Variants in CELSR2 observed in about 807,000 individuals in gnomAD.
The protein encoded by CELSR2 is cadherin EGF LAG seven-pass G-type receptor 2, also known as EGF-like protein 2.
A neutral mutation model predicts 251.6 loss-of-function variants in CELSR2; 81 were observed. The observed-to-expected ratio is 0.32, with a 90% CI of 0.27 to 0.39. The LOEUF (loss-of-function observed/expected upper bound fraction) is 0.39, where lower values mean the gene tolerates loss of function less well. Among genes scored for constraint, CELSR2 ranks in the 10% least tolerant of loss-of-function variants. The pLI, the probability that CELSR2 is intolerant of heterozygous loss-of-function variation, is 1.00. For missense variants in CELSR2, 3,365 were observed against 3,947.7 expected (o/e 0.85, Z 3.96); for synonymous variants, 1,721 against 1,670.5 (o/e 1.03, Z -0.74).
rs74113801 is a variant in CELSR2 at position 109,250,506 on chromosome 1, C to T, written c.427C>T (p.Leu143Phe). 8.2e-4 allele frequency: 1,330 copies of T among 1,613,822 alleles called. 4 individuals carry two copies. In the African/African-American group the frequency reaches 1.0e-2, roughly 12 times the overall value. The change falls in exon 1 of 34, where the codon CTC (leucine) becomes TTC (phenylalanine). Residue 143 changes from leucine to phenylalanine, a missense_variant. This residue lies in a region of CELSR2 where 704 missense variants were observed against 784.1 expected (regional missense o/e 0.90). Coordinates refer to ENST00000271332, the MANE Select transcript of CELSR2 (RefSeq NM_001408.3). This position sits in a 1 kb window ranked among gnomAD's most constrained non-coding sequence, Gnocchi z 4.4. ...GCACCCGTGCTTAAAGGCTCCACGGCTCAGATGCCAGTCCTGCAAGCTGGC... is the reference window on the plus strand; with the variant it reads ...GCACCCGTGCTTAAAGGCTCCACGGTTCAGATGCCAGTCCTGCAAGCTGGC... Reference protein sequence around the residue: ...EEHPCLKAPRLRCQSCKLAQA... With the variant: ...EEHPCLKAPRFRCQSCKLAQA...
chr1:109,266,066 G>A, intron 14 of CELSR2, 39 bp from the exon 15 acceptor site: 1 of 1,609,144 alleles, frequency 6.2e-7, no homozygotes, highest in Non-Finnish European at 8.5e-7. Flanking sequence ...ACAGCAGAGG[G>A]AGAGCTGCTC....
Position 109,251,051 on chromosome 1 carries a change from T to G in CELSR2, c.972T>G (p.Ile324Met), listed in dbSNP as rs746250775. Reference protein sequence around the residue: ...TDGDAPPNANILYRLLEGSGG... With the variant: ...TDGDAPPNANMLYRLLEGSGG... ...GTGATGCCCCTCCCAATGCCAATAT[T>G]CTGTACCGCCTGCTGGAGGGGTCTG... Residue 324 changes from isoleucine (I) to methionine (M), a missense_variant, in exon 1 of 34, where the codon ATT becomes ATG. Ile to Met is a conservative substitution (Grantham distance 10, BLOSUM62 1). Coordinates refer to ENST00000271332, the MANE Select transcript of CELSR2 (RefSeq NM_001408.3). The surrounding 1 kb of genome is among the most constrained non-coding windows in gnomAD (Gnocchi z 4.9). 6 of 1,613,370 alleles carry G rather than the reference T, an allele frequency of 3.7e-6. No homozygotes were observed. The highest frequency in any genetic ancestry group is 5.1e-6 in the Non-Finnish European group (6 of 1,179,958).
chr1:109,273,957 C>A, intron 33 of CELSR2, 65 bp from the exon 34 acceptor site: 3 of 1,585,804 alleles, frequency 1.9e-6, no homozygotes, highest in Non-Finnish European at 2.6e-6. Flanking sequence ...AGCTTTCACT[C>A]TCTCCTCTGT....
chr1:109,266,623 G>T lies in CELSR2; in HGVS notation c.6013+417G>T, dbSNP rs545631142. 5.2e-5 allele frequency among the ~76,000 whole-genome samples: 7 copies of T among 133,766 alleles called. No homozygotes were observed. The South Asian group carries it at 1.6e-3, about 31-fold the overall frequency. 87.8% of individuals were successfully genotyped at this position (133,766 alleles called of 152,430 possible). ...AGACAGGGTTTCACCATGTTGGCCA[G>T]TCTGGTCTCGAACTCCTGACCTCAT... On this transcript the variant is annotated intron_variant, in intron 15 of 33. Coordinates refer to ENST00000271332, the MANE Select transcript of CELSR2 (RefSeq NM_001408.3).
At position 109,262,457 on chromosome 1, in the gene CELSR2, A is replaced by G. The variant is rs1656044804; in HGVS notation, c.4544+13A>G. 1.2e-6 allele frequency: 2 copies of G among 1,612,340 alleles called. No individual in the cohort carries two copies. Among genetic ancestry groups the G allele is most frequent in the Non-Finnish European group, 1.7e-6 (2 of 1,179,784 alleles). ...GTGGCAGCAAGAAGTGAGCAGGGGA[A>G]AGGGCCAGGGATGGGGTGAAGTGAG... On this transcript the variant is annotated intron_variant, in intron 6 of 33. Coordinates refer to ENST00000271332, the MANE Select transcript of CELSR2 (RefSeq NM_001408.3).
rs751223026 is a variant in CELSR2, at chr1:109,271,242, C to T, written c.7622C>T (p.Ala2541Val). 19 of 1,613,882 alleles carry T rather than the reference C, an allele frequency of 1.2e-5. No homozygotes were observed. The highest frequency in any genetic ancestry group is 9.3e-5 in the African/African-American group (7 of 74,922). The change falls in exon 26 of 34, where the codon GCG (alanine) becomes GTG (valine). Residue 2541 changes from alanine to valine, a missense_variant. Coordinates refer to ENST00000271332, the MANE Select transcript of CELSR2 (RefSeq NM_001408.3). ...ATGAGTGTCTTCCTGTACATCCTGG[C>T]GGCCCGGGCCTCCTGTGCTGCCCAG... The part of the protein sequence containing the change: ...VSMSVFLYIL[A>V]ARASCAAQRQ...
Position 109,253,048 on chromosome 1 carries a change from C to T in CELSR2, c.2969C>T (p.Pro990Leu). The T allele has an allele frequency of 6.2e-7, 1 of 1,613,698 alleles. No individual in the cohort carries two copies. The highest frequency in any genetic ancestry group is 8.5e-7 in the Non-Finnish European group (1 of 1,180,030). ...GTAGACTTAGACTACGAGGACCGGC[C>T]TGAGTACGTCCTGGTCATCCAGGCC... Reference protein sequence around the residue: ...ALVDLDYEDRPEYVLVIQATS... With the variant: ...ALVDLDYEDRLEYVLVIQATS... The change falls in exon 1 of 34, where the codon CCT (proline) becomes CTT (leucine). Residue 990 changes from proline to leucine, a missense_variant. Physicochemically the swap from Pro to Leu is moderately conservative, Grantham distance 98 (BLOSUM62 -3). Around this residue, in one of 5 missense-constraint regions of CELSR2, gnomAD observed 505 missense variants for 660.0 expected, o/e 0.77. Transcript: ENST00000271332.
chr1:109,272,438 G>T (rs763325950), intron 29 of CELSR2, 33 bp downstream of exon 29: 1 of 1,591,546 alleles, frequency 6.3e-7, no homozygotes, highest in Non-Finnish European at 8.6e-7. Flanking sequence ...TGGAGGAGGG[G>T]AGGAGGGGCC....
In CELSR2 at chr1:109,273,497, C is replaced by A. The variant is rs773120150; in HGVS notation, c.8571C>A (p.Pro2857=). The change falls in exon 33 of 34, where the codon CCC becomes CCA. Residue 2857 remains proline, a synonymous_variant. Transcript: ENST00000271332. ...AGAAGAGCAGCCTCCTGCGGCTCCCCCTGGAGCAATGCACAGGGTCTTCCC... is the reference window on the plus strand; with the variant it reads ...AGAAGAGCAGCCTCCTGCGGCTCCCACTGGAGCAATGCACAGGGTCTTCCC... ...ISEKSSLLRL[P]LEQCTGSSRG... 1.2e-6 allele frequency: 2 copies of A among 1,611,206 alleles called. No homozygotes were observed. Among genetic ancestry groups the A allele is most frequent in the Admixed American group, 1.7e-5 (1 of 59,836 alleles).
At position 109,250,937 on chromosome 1, in the gene CELSR2, C is replaced by T; in HGVS notation, c.858C>T (p.Asp286=). 6.2e-7 allele frequency: 1 copy of T among 1,613,790 alleles called. No individual in the cohort carries two copies. Among genetic ancestry groups the T allele is most frequent in the Non-Finnish European group, 8.5e-7 (1 of 1,180,032 alleles). ...TGGTTACTGACACCAATGACCATGA[C>T]CCTGTGTTCGAGCAGCAGGAGTACA... The part of the protein sequence containing the change: ...TILVTDTNDH[D]PVFEQQEYKE... Residue 286 remains aspartate (D), a synonymous_variant, in exon 1 of 34, where the codon GAC becomes GAT. Transcript: ENST00000271332. This position sits in a 1 kb window ranked among gnomAD's most constrained non-coding sequence, Gnocchi z 4.4.
At chr1:109,263,951 C>T (rs1212723190) in intron 9 of CELSR2, 127 bp from the exon 10 acceptor site, 36 of 1,404,728 alleles carry the variant, frequency 2.6e-5, no homozygotes, top group Admixed American at 1.4e-4. Context: ...GAAATAAATA[C>T]GCTTTCCTCT....
chr1:109,267,566 G>A lies in CELSR2; in HGVS notation c.6032G>A (p.Cys2011Tyr). Reference protein sequence around the residue: ...KGSFGTAVRHCDEHRGWLPPN... With the variant: ...KGSFGTAVRHYDEHRGWLPPN... ...CCCCCAGGGACTGCTGTGCGCCACT[G>A]TGATGAGCACAGGGGGTGGCTCCCC... The change falls in exon 16 of 34, where the codon TGT becomes TAT. Residue 2011 changes from cysteine to tyrosine, a missense_variant. Coordinates refer to ENST00000271332, the MANE Select transcript of CELSR2 (RefSeq NM_001408.3). 1 of 1,614,100 alleles carries A rather than the reference G, an allele frequency of 6.2e-7. No individual in the cohort carries two copies.
In CELSR2 at chr1:109,270,826, T is replaced by A. The variant is rs1245387164; in HGVS notation, c.7484-101T>A. ...GGGCCGATGGTGGGCAGAACCCTTT[T>A]CCATGCTTCATGCCTGGCCCTGTGA... On this transcript the variant is annotated intron_variant, in intron 24 of 33. Transcript: ENST00000271332. 4.0e-6 allele frequency: 4 copies of A among 1,011,622 alleles called. No homozygotes were observed. In the East Asian group the frequency reaches 9.5e-5, roughly 24 times the overall value. The allele number at this position is 1,011,622 out of a possible 1,614,324, so 62.7% of individuals were successfully genotyped here.
chr1:109,265,976 C>T, intron 14 of CELSR2, 58 bp downstream of exon 14: 6 of 1,582,292 alleles, frequency 3.8e-6, no homozygotes, highest in Non-Finnish European at 5.2e-6. Flanking sequence ...CACCTGCACC[C>T]CAGGAAAGCC....
In CELSR2 at chr1:109,271,736, G is replaced by C; in HGVS notation, c.7926+14G>C. On this transcript the variant is annotated intron_variant, in intron 28 of 33. Transcript: ENST00000271332. ...ACCCTGACCTCGGTGAGGGAGCCAG[G>C]GGTCTCAGGAGGGCGGTGAAGGGAG... 2 of 1,613,208 alleles carry C rather than the reference G, an allele frequency of 1.2e-6. No homozygotes were observed. Among genetic ancestry groups the C allele is most frequent in the Non-Finnish European group, 8.5e-7 (1 of 1,179,716 alleles).
Position 109,272,874 on chromosome 1 carries a change from G to C in CELSR2, c.8185G>C (p.Asp2729His), listed in dbSNP as rs1656411938. ...DSDSDLSLED[D>H]QSGSYASTHS... is the part of the protein sequence containing the mutation. ...CGACAGTGACCTGTCCTTAGAAGAC[G>C]ACCAGAGTGGCTCCTATGCCTCTAC... The change falls in exon 31 of 34, where the codon GAC (aspartate) becomes CAC (histidine). Residue 2729 changes from aspartate (D) to histidine (H), a missense_variant. Physicochemically the swap from Asp to His is moderately conservative, Grantham distance 81. This residue lies in a region of CELSR2 where 2,093 missense variants were observed against 2,382.8 expected (regional missense o/e 0.88). Coordinates refer to ENST00000271332, the MANE Select transcript of CELSR2 (RefSeq NM_001408.3). 1.9e-6 allele frequency: 3 copies of C among 1,613,872 alleles called. No individual in the cohort carries two copies. The South Asian group carries it at 3.3e-5, about 18-fold the overall frequency.
At position 109,275,076 on chromosome 1, in the gene CELSR2, G is replaced by A. The variant is rs1029589834; in HGVS notation, c.*1027G>A. On this transcript the variant is annotated 3_prime_UTR_variant, in exon 34 of 34. Transcript: ENST00000271332. ...TTGTCTAACCTGCTGTGGCCTCTGA[G>A]ACATGTTCTATTTTTAACCCCTTCT... The A allele has an allele frequency of 5.2e-5, 8 of 152,540 alleles. No homozygotes were observed. Among genetic ancestry groups the A allele is most frequent in the African/African-American group, 1.9e-4 (8 of 41,416 alleles). 9.4% of individuals were successfully genotyped at this position (152,540 alleles called of 1,614,324 possible). A position where few individuals can be genotyped will look rare whatever the true frequency, so the allele number is the denominator to read the frequency against.
chr1:109,272,398 T>C lies in CELSR2; in HGVS notation c.8047T>C (p.Leu2683=). 1 of 1,608,200 alleles carries C rather than the reference T, an allele frequency of 6.2e-7. No individual in the cohort carries two copies. The highest frequency in any genetic ancestry group is 2.2e-5 in the East Asian group (1 of 44,702). The change falls in exon 29 of 34, where the codon TTG becomes CTG. Residue 2683 remains leucine (L), a synonymous_variant. Coordinates refer to ENST00000271332, the MANE Select transcript of CELSR2 (RefSeq NM_001408.3). The part of the protein sequence containing the change: ...GKSQPSYIPF[L]LREESALNPG... ...GAGTCAGCCCAGCTACATCCCCTTC[T>C]TGCTGAGGTGAATCCCGGAGATGGG...
In CELSR2 at chr1:109,261,090, T is replaced by G; in HGVS notation, c.4007T>G (p.Val1336Gly). 6.2e-7 allele frequency: 1 copy of G among 1,614,056 alleles called. No homozygotes were observed. The highest frequency in any genetic ancestry group is 8.5e-7 in the Non-Finnish European group (1 of 1,179,980). The part of the protein sequence containing the change: ...SARSGRCTPG[V>G]CKNGGTCVNL... The stretch of plus-strand genomic sequence containing the variant: ...CGCTCAGGCCGTTGCACCCCGGGTG[T>G]CTGCAAGAATGGGGGCACCTGTGTC... The change falls in exon 3 of 34, where the codon GTC (valine) becomes GGC (glycine). Residue 1336 changes from valine (V) to glycine (G), a missense_variant. By Grantham distance (109) the Val-to-Gly change is moderately radical. Coordinates refer to ENST00000271332, the MANE Select transcript of CELSR2 (RefSeq NM_001408.3). The surrounding 1 kb of genome is among the most constrained non-coding windows in gnomAD (Gnocchi z 4.8).
Sources: gnomAD v4.1 joint callset for allele counts (sites outside exome capture counted in the v4.1 genomes callset) on GRCh38, gnomAD v4.1.1 for gene constraint, gnomAD v4.1.1 regional missense constraint, Gnocchi (gnomAD v3.1) non-coding constraint, MANE v1.5 for transcripts, NCBI Gene and HGNC (gene_info 2026-07-23, HGNC 2026-07-21) for gene names.